The following MYO9A variants were observed in gnomAD, a reference collection of about 807,000 sequenced individuals.
MYO9A encodes myosin IXA.
Under a neutral mutation model 293.3 loss-of-function variants are expected in MYO9A, and 103 were observed. That is an observed-to-expected ratio of 0.35 (90% CI 0.30 to 0.41). The LOEUF is 0.41. MYO9A is among the 10% of genes least tolerant of loss of function. MYO9A has a pLI of 1.00. For synonymous variants in MYO9A, 1,001 were observed against 1,035.7 expected (o/e 0.97, Z 0.64); for missense variants, 2,685 against 3,033.0 (o/e 0.89, Z 2.69).
At chr15:71,943,153 TTTTCATTTATTTCACTC>T (rs1443453796) in intron 15 of MYO9A, among the ~76,000 whole-genome samples, 5 of 152,046 alleles carry the variant, frequency 3.3e-5, no homozygotes, top group Non-Finnish European at 5.9e-5. Flanking sequence ...CATTTCATGT[TTTTCATTTATTTCACTC>T]TTTCATTTTT....
At chr15:71,974,916 G>A (rs1404463245) in intron 12 of MYO9A, among the ~76,000 whole-genome samples, 1 of 152,224 alleles carries the variant, frequency 6.6e-6, no homozygotes, top group Non-Finnish European at 1.5e-5. Context: ...TACTGGAGAG[G>A]AGGAATAGCA....
At chr15:71,924,973 C>A (rs993994996) in intron 18 of MYO9A, among the ~76,000 whole-genome samples, 3 of 151,792 alleles carry the variant, frequency 2.0e-5, no homozygotes, top group African/African-American at 7.3e-5. Flanking sequence ...AACTGCTGGG[C>A]AGAATGTTTT....
At chr15:71,901,398 C>T in intron 22 of MYO9A, 58 bp from the exon 23 acceptor site, 1 of 1,510,274 alleles carries the variant, frequency 6.6e-7, no homozygotes, top group South Asian at 1.3e-5. Flanking sequence ...AAATTTATTT[C>T]ATGAATCATC....
chr15:71,938,725 G>C (rs1232532068), intron 16 of MYO9A, 127 bp downstream of exon 16: 4 of 729,124 alleles, frequency 5.5e-6, no homozygotes, highest in African/African-American at 1.8e-5. Flanking sequence ...CACTTATAAA[G>C]GATTCAAGAA....
chr15:72,107,426 G>A (rs551643536), intron 1 of MYO9A, among the ~76,000 whole-genome samples: 1 of 152,210 alleles, frequency 6.6e-6, no homozygotes, highest in African/African-American at 2.4e-5. Context: ...GCGCGCGCCT[G>A]TAATCCCAGC....
chr15:72,109,145 T>C (rs1200729338), intron 1 of MYO9A, among the ~76,000 whole-genome samples: 2 of 151,918 alleles, frequency 1.3e-5, no homozygotes, highest in East Asian at 1.9e-4. Context: ...CCCAGCATTC[T>C]GGGAGGCCGA....
intron 35 of MYO9A, 147 bp downstream of exon 35, chr15:71,854,229 GC>G: frequency 1.6e-6 from 1 of 644,946 alleles, no homozygotes; most frequent in Non-Finnish European, 2.3e-6. Context: ...TCTTTAGAAA[GC>G]CAAAAAATGA....
chr15:71,842,354 G>A (rs1024909396), intron 39 of MYO9A, among the ~76,000 whole-genome samples: 8 of 152,046 alleles, frequency 5.3e-5, no homozygotes, highest in African/African-American at 1.7e-4. Flanking sequence ...TCCAGCGTGG[G>A]TGACAGAGCG....
chr15:72,053,835 A>G (rs2078641878), intron 1 of MYO9A, among the ~76,000 whole-genome samples: 2 of 152,214 alleles, frequency 1.3e-5, no homozygotes, highest in Non-Finnish European at 2.9e-5. Context: ...TAACTTTTCA[A>G]CTAGTAGAGT....
chr15:72,006,363 T>C (rs1045963178), intron 8 of MYO9A, among the ~76,000 whole-genome samples: 6 of 152,132 alleles, frequency 3.9e-5, no homozygotes, highest in African/African-American at 1.4e-4. Context: ...AGCCTCTCAA[T>C]GTGCTGGGAT....
intron 11 of MYO9A, among the ~76,000 whole-genome samples, chr15:71,984,805 T>C (rs1227120272): frequency 6.6e-6 from 1 of 152,224 alleles, no homozygotes; most frequent in African/African-American, 2.4e-5. Context: ...TTAATAAAAA[T>C]ATTGCACCTT....
rs571982918 is a variant in MYO9A, at chr15:71,846,970, G to A, written c.6837+1875C>T. Among the ~76,000 whole-genome samples, 28 of 152,314 alleles carry A rather than the reference G, an allele frequency of 1.8e-4. No homozygotes were observed. In the South Asian group the frequency reaches 5.4e-3, roughly 29 times the overall value. ...CTGGGAGGACACCATCGGAGTCACA[G>A]ATATGAATGGACAAATAAGCATTAC... On this transcript the variant is annotated intron_variant, in intron 39 of 41. Transcript: ENST00000356056.
At chr15:71,996,688 A>G (rs1223645474) in intron 9 of MYO9A, among the ~76,000 whole-genome samples, 1 of 151,784 alleles carries the variant, frequency 6.6e-6, no homozygotes, top group East Asian at 1.9e-4. Context: ...ATTTAATCAA[A>G]TTTTTTTCTT....
chr15:71,879,822 T>C lies in MYO9A; in HGVS notation c.5638A>G (p.Asn1880Asp), dbSNP rs148441603. Residue 1880 changes from asparagine to aspartate, a missense_variant, in exon 30 of 42, where the codon AAT becomes GAT. Asn to Asp is a conservative substitution (Grantham distance 23, BLOSUM62 1). This residue lies in a region of MYO9A where 1,434 missense variants were observed against 1,497.7 expected (regional missense o/e 0.96). Transcript: ENST00000356056. The part of the protein sequence containing the change: ...FLLKKVNDLD[N>D]EDSKKDTLVD... Reference sequence around the variant, plus strand: ...AGTGTATCCTTCTTGCTGTCTTCATTATCTAGGTCATTCACCTGGGAACCA... The same window carrying C: ...AGTGTATCCTTCTTGCTGTCTTCATCATCTAGGTCATTCACCTGGGAACCA... 9.3e-6 allele frequency: 15 copies of C among 1,611,122 alleles called. No individual in the cohort carries two copies. Among genetic ancestry groups the C allele is most frequent in the Non-Finnish European group, 1.2e-5 (14 of 1,178,002 alleles).
chr15:71,977,827 G>A (rs1275338823), intron 12 of MYO9A, among the ~76,000 whole-genome samples: 1 of 152,138 alleles, frequency 6.6e-6, no homozygotes, highest in Non-Finnish European at 1.5e-5. Flanking sequence ...CATGAGGTCA[G>A]GCGATCGAGA....
At position 71,999,770 on chromosome 15, in the gene MYO9A, T is replaced by C; in HGVS notation, c.1470+81A>G. Reference sequence around the variant, plus strand: ...CTTTTTGCCATTGTCATTTTCATGCTGTTAAGAGAAAACCCAAACTTCAAA... The same window carrying C: ...CTTTTTGCCATTGTCATTTTCATGCCGTTAAGAGAAAACCCAAACTTCAAA... On this transcript the variant is annotated intron_variant, in intron 9 of 41. Transcript: ENST00000356056. The C allele has an allele frequency of 1.1e-5, 11 of 1,036,874 alleles. No individual in the cohort carries two copies. In the South Asian group the frequency reaches 1.8e-4, roughly 17 times the overall value. The allele number at this position is 1,036,874 out of a possible 1,614,324, so 64.2% of individuals were successfully genotyped here.
At chr15:71,934,885 T>A (rs1038442483) in intron 17 of MYO9A, among the ~76,000 whole-genome samples, 8 of 149,818 alleles carry the variant, frequency 5.3e-5, no homozygotes, top group South Asian at 2.1e-4. Context: ...CTGTAATCAG[T>A]TAATGAGAAA....
rs61030744 is a variant in MYO9A at position 71,860,969 on chromosome 15, C to CAAAAAA, written c.6092-1179_6092-1174dup. Among the ~76,000 whole-genome samples the CAAAAAA allele has an allele frequency of 1.3e-3, 42 of 32,392 alleles. 1 individual carries two copies. Among genetic ancestry groups the CAAAAAA allele is most frequent in the African/African-American group, 3.3e-3 (30 of 9,012 alleles). 21.3% of individuals were successfully genotyped at this position (32,392 alleles called of 152,430 possible). A position where few individuals can be genotyped will look rare whatever the true frequency, so the allele number is the denominator to read the frequency against. ...GCAACAAAGTTAGACTCCATCTCAC[C>CAAAAAA]AAAAAAAAAAAAAAAAAAAAAAAAA... On this transcript the variant is annotated intron_variant, in intron 33 of 41. Coordinates refer to ENST00000356056, the MANE Select transcript of MYO9A (RefSeq NM_006901.4).
At chr15:71,842,204 C>G (rs149115795) in intron 39 of MYO9A, among the ~76,000 whole-genome samples, 1 of 151,880 alleles carries the variant, frequency 6.6e-6, no homozygotes, top group Non-Finnish European at 1.5e-5. Context: ...AAAACCCCAT[C>G]TCTACTAAAA....
Sources: gnomAD v4.1 joint callset for allele counts (sites outside exome capture counted in the v4.1 genomes callset) on GRCh38, gnomAD v4.1.1 for gene constraint, gnomAD v4.1.1 regional missense constraint, MANE v1.5 for transcripts, NCBI Gene and HGNC (gene_info 2026-07-23, HGNC 2026-07-21) for gene names.